Variants in KDM6A observed in about 807,000 individuals in gnomAD.
KDM6A encodes lysine demethylase 6A.
KDM6A carries 11 observed loss-of-function variants against 117.6 expected under a neutral mutation model. The observed-to-expected ratio is 0.09, with a 90% CI of 0.06 to 0.15. The LOEUF is 0.15. Ranked by LOEUF, KDM6A falls within the 10% of genes least tolerant of loss-of-function variation. The pLI is 1.00. For synonymous variants in KDM6A, 384 were observed against 396.1 expected, an observed-to-expected ratio of 0.97 and a Z score of 0.36; for missense variants, 799 against 1,077.3, an observed-to-expected ratio of 0.74 and a Z score of 3.62.
chrX:45,069,275 A>G (rs985938858), intron 17 of KDM6A, among the ~76,000 whole-genome samples: 3 of 111,816 alleles, frequency 2.7e-5, no homozygotes, highest in Non-Finnish European at 5.6e-5. Flanking sequence ...ATGTCTATCC[A>G]TGTCTGATTT....
chrX:44,935,798 G>A (rs1230369316), intron 2 of KDM6A, among the ~76,000 whole-genome samples: 1 of 112,025 alleles, frequency 8.9e-6, no homozygotes, highest in African/African-American at 3.2e-5. Context: ...ATTCAGACAA[G>A]TAAGACCTGA....
At chrX:44,874,086 G>C in intron 2 of KDM6A, 99 bp downstream of exon 2, 1 of 792,644 alleles carries the variant, frequency 1.3e-6, no homozygotes, top group Non-Finnish European at 1.9e-6. Context: ...TGTGGCCACG[G>C]ACGATGGTCG....
chrX:45,058,075 T>TCCC (rs554495782), intron 10 of KDM6A, among the ~76,000 whole-genome samples: 10 of 37,980 alleles, frequency 2.6e-4, no homozygotes, highest in African/African-American at 3.2e-4. Flanking sequence ...ACTCTTACTC[T>TCCC]CCCCCCCCCC....
chrX:44,946,881 A>G (rs1458358654), intron 2 of KDM6A, among the ~76,000 whole-genome samples: 6 of 111,682 alleles, frequency 5.4e-5, no homozygotes, highest in Non-Finnish European at 9.4e-5. Context: ...GTATTCATGC[A>G]CCAGCTCTCT....
chrX:45,080,186 C>T (rs1322468876), intron 21 of KDM6A, among the ~76,000 whole-genome samples: 2 of 111,450 alleles, frequency 1.8e-5, no homozygotes, highest in African/African-American at 3.3e-5. Context: ...TTGTAAAATC[C>T]GGTTTGGTCT....
At chrX:44,911,611 T>A (rs1239259269) in intron 2 of KDM6A, among the ~76,000 whole-genome samples, 1 of 111,944 alleles carries the variant, frequency 8.9e-6, no homozygotes, top group African/African-American at 3.2e-5. Flanking sequence ...CGCTCCTCAC[T>A]TCCCAGATGG....
chrX:44,992,203 CTTCTTTTTTTTTTTTTTTTTTT>C (rs2040625952), intron 4 of KDM6A, among the ~76,000 whole-genome samples: 1 of 56,688 alleles, frequency 1.8e-5, no homozygotes, highest in Non-Finnish European at 3.4e-5. Context: ...ATACTGTCTT[CTTCTTTTTTTTTTTTTTTTTTT>C]TTTTTTTTTT....
rs1402079278 is a variant in KDM6A, at chrX:45,079,247, C to T, written c.3196C>T (p.Pro1066Ser). Reference protein sequence around the residue: ...LLQPADENWDPTGTKKIWHCE... With the variant: ...LLQPADENWDSTGTKKIWHCE... The stretch of plus-strand genomic sequence containing the variant: ...GCAGCCAGCAGATGAAAACTGGGAT[C>T]CCACTGGAACAAAGAAAATCTGGCA... The change falls in exon 21 of 30, where the codon CCC becomes TCC. Residue 1066 changes from proline (P) to serine (S), a missense_variant. Pro to Ser is a moderately conservative substitution (Grantham distance 74, BLOSUM62 -1). Around this residue, in one of 8 missense-constraint regions of KDM6A, gnomAD observed 291 missense variants for 437.9 expected, o/e 0.66. Transcript: ENST00000611820. The T allele has an allele frequency of 7.5e-6, 9 of 1,202,165 alleles. No individual in the cohort carries two copies. In the Admixed American group the frequency reaches 2.0e-4, roughly 26 times the overall value.
At chrX:45,094,188 G>C (rs1402768663) in intron 27 of KDM6A, among the ~76,000 whole-genome samples, 1 of 111,853 alleles carries the variant, frequency 8.9e-6, no homozygotes, top group African/African-American at 3.2e-5. Flanking sequence ...TTGTATGCAA[G>C]GCTCTAGGCT....
chrX:45,021,481 A>G (rs1003752548), intron 6 of KDM6A, among the ~76,000 whole-genome samples: 9 of 111,434 alleles, frequency 8.1e-5, no homozygotes, highest in African/African-American at 2.9e-4. Context: ...TGTATTCTGA[A>G]TCTCCATTGC....
chrX:45,017,144 G>A (rs1170068762), intron 5 of KDM6A, among the ~76,000 whole-genome samples: 1 of 112,083 alleles, frequency 8.9e-6, no homozygotes, highest in Non-Finnish European at 1.9e-5. Context: ...AGAGCAATGT[G>A]CATTTCTTTT....
intron 2 of KDM6A, among the ~76,000 whole-genome samples, chrX:44,912,563 A>G (rs895329307): frequency 8.9e-6 from 1 of 112,005 alleles, no homozygotes; most frequent in Admixed American, 9.5e-5. Context: ...TGCCAAGGTA[A>G]TCTCTGTTCA....
intron 10 of KDM6A, among the ~76,000 whole-genome samples, 174 bp downstream of exon 10, chrX:45,054,129 G>A (rs2043968560): frequency 8.9e-6 from 1 of 112,047 alleles, no homozygotes; most frequent in Admixed American, 9.5e-5. Context: ...TCCAAATATG[G>A]TGGTTTTTTT....
intron 2 of KDM6A, among the ~76,000 whole-genome samples, chrX:44,959,577 TA>T (rs1172369862): frequency 1.8e-5 from 2 of 110,342 alleles, no homozygotes; most frequent in Non-Finnish European, 3.8e-5. Flanking sequence ...CTAAGAGTTT[TA>T]AAAAAAATAC....
Position 45,060,127 on chromosome X carries a change from A to G in KDM6A, c.1300A>G (p.Arg434Gly). The G allele has an allele frequency of 8.3e-7, 1 of 1,211,848 alleles. No homozygotes were observed. Among genetic ancestry groups the G allele is most frequent in the Non-Finnish European group, 1.1e-6 (1 of 895,466 alleles). The change falls in exon 13 of 30, where the codon AGG (arginine) becomes GGG (glycine). Residue 434 changes from arginine (R) to glycine (G), a missense_variant. Physicochemically the swap from Arg to Gly is moderately radical, Grantham distance 125. Transcript: ENST00000611820. ...ACCAATTCCCGCAGAGCTTACCTCCAGGCAGGGTGCCATGAACACAGCACA... is the reference window on the plus strand; with the variant it reads ...ACCAATTCCCGCAGAGCTTACCTCCGGGCAGGGTGCCATGAACACAGCACA... Reference protein sequence around the residue: ...SLPIPAELTSRQGAMNTAQQA... With the variant: ...SLPIPAELTSGQGAMNTAQQA...
At chrX:44,952,052 A>G (rs906033657) in intron 2 of KDM6A, among the ~76,000 whole-genome samples, 1 of 112,194 alleles carries the variant, frequency 8.9e-6, no homozygotes, top group African/African-American at 3.2e-5. Flanking sequence ...GTTTGATTTC[A>G]ATAGTGTAAT....
Position 45,090,822 on chromosome X carries a change from G to A in KDM6A, c.3992G>A (p.Arg1331Gln), listed in dbSNP as rs1473353111. The A allele has an allele frequency of 5.8e-6, 7 of 1,209,736 alleles. No homozygotes were observed. Among genetic ancestry groups the A allele is most frequent in the African/African-American group, 1.7e-5 (1 of 57,592 alleles). ...GTTCATCTTTCCTGGAATATGGCACGAAATATCAAGGTCTCAGATCCAAAG... is the reference window on the plus strand; with the variant it reads ...GTTCATCTTTCCTGGAATATGGCACAAAATATCAAGGTCTCAGATCCAAAG... ...PMVHLSWNMA[R>Q]NIKVSDPKLF... The change falls in exon 27 of 30, where the codon CGA becomes CAA. Residue 1331 changes from arginine (R) to glutamine (Q), a missense_variant. By Grantham distance (43) the Arg-to-Gln change is conservative. This residue lies in a region of KDM6A where 291 missense variants were observed against 437.9 expected (regional missense o/e 0.66). Coordinates refer to ENST00000611820, the MANE Select transcript of KDM6A (RefSeq NM_001291415.2).
intron 4 of KDM6A, among the ~76,000 whole-genome samples, chrX:44,995,518 C>G (rs967571429): frequency 9.0e-6 from 1 of 110,803 alleles, no homozygotes; most frequent in Admixed American, 9.6e-5. Flanking sequence ...CTCCCCCAGG[C>G]TGGAGTGCAG....
chrX:44,885,422 C>T lies in KDM6A; in HGVS notation c.225+11435C>T, dbSNP rs768442225. ...CTTTGACTTTTGAAATACCTTCATG[C>T]AATTTTTTGAATATAGGTATACTTG... On this transcript the variant is annotated intron_variant, in intron 2 of 29. Transcript: ENST00000611820. Among the ~76,000 whole-genome samples the T allele has an allele frequency of 2.1e-3, 238 of 110,890 alleles. 1 individual carries two copies. The highest frequency in any genetic ancestry group is 7.2e-3 in the African/African-American group (221 of 30,500).
Sources: gnomAD v4.1 joint callset for allele counts (sites outside exome capture counted in the v4.1 genomes callset) on GRCh38, gnomAD v4.1.1 for gene constraint, gnomAD v4.1.1 regional missense constraint, MANE v1.5 for transcripts, NCBI Gene and HGNC (gene_info 2026-07-23, HGNC 2026-07-21) for gene names.